Variants in PIBF1 observed in about 807,000 individuals in gnomAD.
PIBF1 encodes the protein progesterone immunomodulatory binding factor 1.
In PIBF1, 90 loss-of-function variants were observed where a neutral mutation model predicts 112.5. That is an observed-to-expected ratio of 0.80 (90% CI 0.67 to 0.95). The LOEUF (loss-of-function observed/expected upper bound fraction) is 0.95, where lower values mean the gene tolerates loss of function less well. PIBF1 is among the 40% of genes least tolerant of loss of function. PIBF1 has a pLI of 0.00. For synonymous variants in PIBF1, 301 were observed against 288.6 expected (o/e 1.04, Z -0.44); for missense variants, 915 against 852.3 (o/e 1.07, Z -0.92).
chr13:72,989,700 A>C (rs1017025840), intron 16 of PIBF1, among the ~76,000 whole-genome samples: 1 of 152,136 alleles, frequency 6.6e-6, no homozygotes, highest in African/African-American at 2.4e-5. Context: ...ATTGACTGGT[A>C]ATTGTTGCAT....
At chr13:73,015,825 C>T in intron 17 of PIBF1, 44 bp from the exon 18 acceptor site, 2 of 1,263,316 alleles carry the variant, frequency 1.6e-6, no homozygotes, top group Non-Finnish European at 2.2e-6. Flanking sequence ...TCTTGTCCTC[C>T]TTGTAAGCAT....
chr13:72,961,819 A>G (rs1461342753), intron 14 of PIBF1, among the ~76,000 whole-genome samples: 2 of 149,912 alleles, frequency 1.3e-5, no homozygotes, highest in Admixed American at 6.6e-5. Context: ...TTTGCTTAGG[A>G]AAAAAAATAA....
At chr13:72,909,838 G>C in intron 12 of PIBF1, among the ~76,000 whole-genome samples, 1 of 152,122 alleles carries the variant, frequency 6.6e-6, no homozygotes, top group East Asian at 1.9e-4. Context: ...TGAGGGTACT[G>C]TGTTATAATC....
chr13:72,864,760 G>T (rs1291605629), intron 10 of PIBF1, among the ~76,000 whole-genome samples: 1 of 152,170 alleles, frequency 6.6e-6, no homozygotes, highest in Admixed American at 6.5e-5. Flanking sequence ...AAAATATGAT[G>T]TTTACTGGAA....
At chr13:72,819,705 G>A (rs1465436530) in intron 5 of PIBF1, among the ~76,000 whole-genome samples, 5 of 151,922 alleles carry the variant, frequency 3.3e-5, no homozygotes, top group African/African-American at 1.2e-4. Flanking sequence ...CCAAAAAAGA[G>A]GACATACTGA....
chr13:72,861,201 G>A (rs2138369829), intron 10 of PIBF1, among the ~76,000 whole-genome samples: 1 of 152,204 alleles, frequency 6.6e-6, no homozygotes, highest in East Asian at 1.9e-4. Flanking sequence ...GGGAGGCCAA[G>A]GTGAGAGGAT....
chr13:72,845,742 C>G (rs1236164180), intron 9 of PIBF1, among the ~76,000 whole-genome samples: 1 of 152,166 alleles, frequency 6.6e-6, no homozygotes, highest in African/African-American at 2.4e-5. Context: ...ATTTGCATTT[C>G]TCTAATTATC....
At chr13:72,809,874 C>G (rs1358225332) in intron 5 of PIBF1, among the ~76,000 whole-genome samples, 1 of 152,088 alleles carries the variant, frequency 6.6e-6, no homozygotes, top group African/African-American at 2.4e-5. Flanking sequence ...CAGGCATGAG[C>G]CACTGCGCTT....
chr13:72,820,662 C>T (rs755490079), intron 5 of PIBF1, among the ~76,000 whole-genome samples: 2 of 152,214 alleles, frequency 1.3e-5, no homozygotes, highest in Admixed American at 6.5e-5. Flanking sequence ...GTGCCTAATC[C>T]GTGACCAGTC....
chr13:72,936,479 T>G (rs2041874124), intron 14 of PIBF1, among the ~76,000 whole-genome samples: 2 of 152,232 alleles, frequency 1.3e-5, no homozygotes, highest in South Asian at 4.1e-4. Flanking sequence ...TTCTAGATGT[T>G]TCATAGTTTT....
In PIBF1 at chr13:72,795,525, G is replaced by A; in HGVS notation, c.520G>A (p.Glu174Lys). The A allele has an allele frequency of 6.3e-7, 1 of 1,596,370 alleles. No homozygotes were observed. The highest frequency in any genetic ancestry group is 8.5e-7 in the Non-Finnish European group (1 of 1,171,418). ...EQYIKLKAFPEDQLSIPEYVS... is the reference protein window; with the variant it reads ...EQYIKLKAFPKDQLSIPEYVS... The stretch of plus-strand genomic sequence containing the variant: ...ATATATTAAATTAAAAGCTTTTCCT[G>A]AAGATCAGCTTTCTATTCCTGAATA... The change falls in exon 4 of 18, where the codon GAA (glutamate) becomes AAA (lysine). Residue 174 changes from glutamate to lysine, a missense_variant. Glu to Lys is a moderately conservative substitution (Grantham distance 56). Transcript: ENST00000326291.
At chr13:72,851,323 T>C (rs562449559) in intron 9 of PIBF1, among the ~76,000 whole-genome samples, 40 of 152,374 alleles carry the variant, frequency 2.6e-4, no homozygotes, top group Admixed American at 7.2e-4. Flanking sequence ...CTGTTCCCGC[T>C]GCCTGACCTC....
Position 72,792,465 on chromosome 13 carries a change from A to G in PIBF1, c.271A>G (p.Lys91Glu). The G allele has an allele frequency of 6.4e-7, 1 of 1,563,854 alleles. No homozygotes were observed. The highest frequency in any genetic ancestry group is 8.6e-7 in the Non-Finnish European group (1 of 1,157,342). Reference protein sequence around the residue: ...YLTKIEELEEKLNDALHQKQL... With the variant: ...YLTKIEELEEELNDALHQKQL... ...TACGAAGATTGAAGAATTGGAGGAG[A>G]AACTTAATGATGCACTTCACCAGAA... Residue 91 changes from lysine to glutamate, a missense_variant, in exon 3 of 18, where the codon AAA becomes GAA. Coordinates refer to ENST00000326291, the MANE Select transcript of PIBF1 (RefSeq NM_006346.4).
At chr13:72,954,330 T>C (rs917551947) in intron 14 of PIBF1, among the ~76,000 whole-genome samples, 2 of 152,232 alleles carry the variant, frequency 1.3e-5, no homozygotes, top group Admixed American at 6.5e-5. Flanking sequence ...CCTATCCACC[T>C]GCGAAGCAGG....
intron 14 of PIBF1, among the ~76,000 whole-genome samples, chr13:72,933,042 C>T (rs923632773): frequency 6.6e-6 from 1 of 152,016 alleles, no homozygotes; most frequent in Non-Finnish European, 1.5e-5. Context: ...AGAACTCCTA[C>T]AAGCTGCTGC....
chr13:72,863,396 A>C (rs1236247142), intron 10 of PIBF1, among the ~76,000 whole-genome samples: 3 of 152,258 alleles, frequency 2.0e-5, no homozygotes, highest in East Asian at 1.9e-4. Flanking sequence ...TCACGCCTGT[A>C]ATCCCAGCAC....
intron 3 of PIBF1, among the ~76,000 whole-genome samples, chr13:72,793,172 A>G (rs1487832397): frequency 2.0e-5 from 3 of 152,206 alleles, no homozygotes; most frequent in Non-Finnish European, 2.9e-5. Flanking sequence ...GAACTTGGAA[A>G]TCATACATGA....
At chr13:72,991,318 A>T (rs1225326318) in intron 16 of PIBF1, among the ~76,000 whole-genome samples, 3 of 152,166 alleles carry the variant, frequency 2.0e-5, no homozygotes, top group African/African-American at 7.2e-5. Context: ...TTTCACAAGA[A>T]CATCCTTGCC....
intron 17 of PIBF1, among the ~76,000 whole-genome samples, chr13:73,002,526 G>A (rs981605241): frequency 6.6e-6 from 1 of 152,046 alleles, no homozygotes; most frequent in Non-Finnish European, 1.5e-5. Flanking sequence ...TCCTTCCTGA[G>A]CAGTATGGGA....
Sources: allele counts gnomAD v4.1 joint callset (sites outside exome capture counted in the v4.1 genomes callset), GRCh38; gene constraint gnomAD v4.1.1; transcripts MANE v1.5; gene names NCBI Gene and HGNC (gene_info 2026-07-23, HGNC 2026-07-21).